The following EXOC4 variants were observed in gnomAD, a reference collection of about 807,000 sequenced individuals.
EXOC4 encodes the protein SEC8-like 1.
Under a neutral mutation model 107.2 loss-of-function variants are expected in EXOC4, and 71 were observed. The observed-to-expected ratio is 0.66, with a 90% CI of 0.55 to 0.81. The LOEUF is 0.81. Among genes scored for constraint, EXOC4 ranks in the 30% least tolerant of loss-of-function variants. The pLI, the probability that EXOC4 is intolerant of heterozygous loss-of-function variation, is 0.00. For missense variants in EXOC4, 1,108 were observed against 1,189.6 expected (o/e 0.93, Z 1.01); for synonymous variants, 456 against 441.2 (o/e 1.03, Z -0.42).
intron 10 of EXOC4, 105 bp downstream of exon 10, chr7:133,630,246 A>G: frequency 2.4e-6 from 2 of 833,702 alleles, no homozygotes; most frequent in Non-Finnish European, 3.8e-6. Flanking sequence ...AAGTCATAAA[A>G]GAAATTTATT....
At chr7:133,567,256 T>C (rs1388598284) in intron 9 of EXOC4, among the ~76,000 whole-genome samples, 1 of 152,020 alleles carries the variant, frequency 6.6e-6, no homozygotes, top group Non-Finnish European at 1.5e-5. Context: ...TAAGCAAATA[T>C]ATATATATAT....
intron 10 of EXOC4, among the ~76,000 whole-genome samples, chr7:133,761,014 G>T (rs746088606): frequency 3.3e-5 from 5 of 152,118 alleles, no homozygotes; most frequent in Non-Finnish European, 7.4e-5. Context: ...TCACAACCCT[G>T]CAGCAAAATT....
At chr7:133,323,901 T>C (rs1430811593) in intron 5 of EXOC4, among the ~76,000 whole-genome samples, 2 of 152,200 alleles carry the variant, frequency 1.3e-5, no homozygotes, top group Admixed American at 6.5e-5. Flanking sequence ...CTGTTATTGG[T>C]CTATTCAGAG....
At position 133,686,298 on chromosome 7, in the gene EXOC4, C is replaced by T. The variant is rs78906798; in HGVS notation, c.1514+56157C>T. 9.2e-3 allele frequency among the ~76,000 whole-genome samples: 1,398 copies of T among 152,198 alleles called. 18 individuals carry two copies. The highest frequency in any genetic ancestry group is 0.011 in the Non-Finnish European group (770 of 68,000). ...GTATTATAAGCAACAGAAAATGGAT[C>T]GAAACATATTTTGAGTTCAGAATTT... is the stretch of plus-strand genomic sequence containing the variant. On this transcript the variant is annotated intron_variant, in intron 10 of 17. Coordinates refer to ENST00000253861, the MANE Select transcript of EXOC4 (RefSeq NM_021807.4).
At chr7:133,530,876 G>T (rs1166154346) in intron 9 of EXOC4, among the ~76,000 whole-genome samples, 1 of 152,142 alleles carries the variant, frequency 6.6e-6, no homozygotes, top group East Asian at 1.9e-4. Context: ...AGGCATCTGT[G>T]ATGATGGAGA....
chr7:133,572,755 A>G (rs1464661176), intron 9 of EXOC4, among the ~76,000 whole-genome samples: 2 of 152,204 alleles, frequency 1.3e-5, no homozygotes, highest in East Asian at 3.9e-4. Flanking sequence ...ATGTCATTCC[A>G]CTGAAACAGC....
At chr7:133,523,589 C>T (rs1001539285) in intron 9 of EXOC4, among the ~76,000 whole-genome samples, 1 of 151,998 alleles carries the variant, frequency 6.6e-6, no homozygotes, top group East Asian at 1.9e-4. Flanking sequence ...CTATCCCTCC[C>T]CCCTTCCCCC....
intron 9 of EXOC4, among the ~76,000 whole-genome samples, chr7:133,485,725 G>C (rs548590279): frequency 2.0e-5 from 3 of 152,010 alleles, no homozygotes; most frequent in Non-Finnish European, 4.4e-5. Flanking sequence ...TGAATTAGGC[G>C]CTTTAAGACA....
At chr7:133,947,463 G>GGCCT (rs1800580621) in intron 14 of EXOC4, among the ~76,000 whole-genome samples, 1 of 152,164 alleles carries the variant, frequency 6.6e-6, no homozygotes, top group South Asian at 2.1e-4. Context: ...TGCACTGGAG[G>GGCCT]GCCTACAGGT....
intron 11 of EXOC4, among the ~76,000 whole-genome samples, chr7:133,833,422 G>A (rs769922509): frequency 5.3e-5 from 8 of 152,200 alleles, no homozygotes; most frequent in Non-Finnish European, 8.8e-5. Flanking sequence ...TAAACCCGAA[G>A]GAGTGTACCA....
chr7:134,038,639 T>G (rs1463389229), intron 17 of EXOC4, among the ~76,000 whole-genome samples: 9 of 152,166 alleles, frequency 5.9e-5, no homozygotes, highest in Admixed American at 3.9e-4. Context: ...TCATTTTTAT[T>G]TTACTTCTCC....
chr7:133,577,834 T>C (rs902857924), intron 9 of EXOC4, among the ~76,000 whole-genome samples: 1 of 152,178 alleles, frequency 6.6e-6, no homozygotes, highest in Non-Finnish European at 1.5e-5. Context: ...GTTTGACATA[T>C]GCACTTTTTC....
chr7:133,631,837 G>A (rs924881128), intron 10 of EXOC4, among the ~76,000 whole-genome samples: 1 of 152,028 alleles, frequency 6.6e-6, no homozygotes, highest in African/African-American at 2.4e-5. Context: ...CTTAGGTAAT[G>A]TTGCTAATTG....
intron 17 of EXOC4, among the ~76,000 whole-genome samples, chr7:134,045,965 G>A (rs1174090432): frequency 6.6e-6 from 1 of 152,136 alleles, no homozygotes; most frequent in Non-Finnish European, 1.5e-5. Flanking sequence ...GTATGAGACA[G>A]TTAAAAATAT....
chr7:133,877,982 T>C (rs74576243), intron 11 of EXOC4, among the ~76,000 whole-genome samples: 1 of 152,170 alleles, frequency 6.6e-6, no homozygotes, highest in Non-Finnish European at 1.5e-5. Flanking sequence ...CTCACGTCAT[T>C]TGTTTTTCAT....
intron 10 of EXOC4, among the ~76,000 whole-genome samples, chr7:133,732,333 G>A (rs1225413984): frequency 6.6e-6 from 1 of 152,134 alleles, no homozygotes; most frequent in Non-Finnish European, 1.5e-5. Flanking sequence ...AAGCATGCGG[G>A]GCTTAATACC....
intron 11 of EXOC4, among the ~76,000 whole-genome samples, chr7:133,854,672 G>C (rs1798310836): frequency 6.6e-6 from 1 of 151,608 alleles, no homozygotes; most frequent in Admixed American, 6.6e-5. Flanking sequence ...GAGAGGCTGT[G>C]TGGGACCCCA....
chr7:133,274,258 C>A (rs1368744143), intron 1 of EXOC4, among the ~76,000 whole-genome samples: 2 of 152,166 alleles, frequency 1.3e-5, no homozygotes, highest in Admixed American at 1.3e-4. Flanking sequence ...CTGCTGGGGG[C>A]TCCATACCAA....
At chr7:133,365,059 G>A (rs1000096879) in intron 6 of EXOC4, among the ~76,000 whole-genome samples, 3 of 152,108 alleles carry the variant, frequency 2.0e-5, no homozygotes, top group East Asian at 3.9e-4. Context: ...TCAGTGGCAG[G>A]CCTCAGAGAT....
Sources: gnomAD v4.1 joint callset for allele counts (sites outside exome capture counted in the v4.1 genomes callset) on GRCh38, gnomAD v4.1.1 for gene constraint, MANE v1.5 for transcripts, NCBI Gene and HGNC (gene_info 2026-07-23, HGNC 2026-07-21) for gene names.